TCF20: variants seen among roughly 807,000 people sequenced by gnomAD.
TCF20 encodes the protein SPRE-binding protein.
TCF20 carries 3 observed loss-of-function variants against 148.6 expected under a neutral mutation model. The ratio of observed to expected loss-of-function variants is 0.02; its 90% CI spans 0.01 to 0.05. The LOEUF (loss-of-function observed/expected upper bound fraction) is 0.05. TCF20 is among the 10% of genes least tolerant of loss of function. The pLI, the probability that TCF20 is intolerant of heterozygous loss-of-function variation, is 1.00. For missense variants in TCF20, 2,350 were observed against 2,429.3 expected (o/e 0.97, Z 0.69); for synonymous variants, 1,049 against 909.5 (o/e 1.15, Z -2.76).
At chr22:42,283,499 C>A (rs915869891) in intron 1 of TCF20, among the ~76,000 whole-genome samples, 9 of 152,166 alleles carry the variant, frequency 5.9e-5, no homozygotes, top group Non-Finnish European at 1.2e-4. Context: ...CCGCGCTCCC[C>A]GAGCAGCCCC....
chr22:42,342,904 T>C (rs1216919469), intron 1 of TCF20, among the ~76,000 whole-genome samples: 1 of 152,132 alleles, frequency 6.6e-6, no homozygotes, highest in African/African-American at 2.4e-5. Flanking sequence ...GGGCCTTGTT[T>C]AAAACCTTTC....
chr22:42,336,294 C>T, intron 1 of TCF20, among the ~76,000 whole-genome samples: 1 of 152,068 alleles, frequency 6.6e-6, no homozygotes, highest in East Asian at 1.9e-4. Flanking sequence ...GGAAAACCCA[C>T]CCCAGACAGC....
At chr22:42,311,808 C>T (rs1002821990) in intron 1 of TCF20, among the ~76,000 whole-genome samples, 5 of 152,198 alleles carry the variant, frequency 3.3e-5, no homozygotes, top group Admixed American at 2.0e-4. Context: ...CTGATTTCCC[C>T]GTCTCTTCCA....
intron 1 of TCF20, among the ~76,000 whole-genome samples, chr22:42,241,320 C>T (rs1924380812): frequency 6.6e-6 from 1 of 152,142 alleles, no homozygotes; most frequent in Non-Finnish European, 1.5e-5. Flanking sequence ...CCATGAGAGG[C>T]AGTTATAGAT....
chr22:42,258,978 A>G (rs967402297), intron 1 of TCF20, among the ~76,000 whole-genome samples: 1 of 152,196 alleles, frequency 6.6e-6, no homozygotes, highest in African/African-American at 2.4e-5. Context: ...TACTGTCTTC[A>G]CTTCACCTTT....
chr22:42,179,490 CAAAAAAAAAAA>C (rs57857271), intron 3 of TCF20, 108 bp downstream of exon 3: 18 of 373,236 alleles, frequency 4.8e-5, no homozygotes, highest in Non-Finnish European at 7.1e-5. Context: ...TATGAAGTGA[CAAAAAAAAAAA>C]AAAAAAAAAA....
chr22:42,195,335 G>A (rs913046341), intron 2 of TCF20, among the ~76,000 whole-genome samples: 3 of 151,580 alleles, frequency 2.0e-5, no homozygotes, highest in African/African-American at 7.3e-5. Flanking sequence ...AAGAAATTAA[G>A]AATGCTGCTG....
Position 42,201,250 on chromosome 22 carries a change from A to G in TCF20, c.5655+8401T>C, listed in dbSNP as rs937771132. ...GCTTCCAGAACTGTGAGCCAATTCA[A>G]CCTCTTTTCTTCATACATCACCCAG... On this transcript the variant is annotated intron_variant, in intron 2 of 5. Transcript: ENST00000677622. Among the ~76,000 whole-genome samples, 82 of 152,126 alleles carry G rather than the reference A, an allele frequency of 5.4e-4. 1 individual carries two copies. Among genetic ancestry groups the G allele is most frequent in the Non-Finnish European group, 4.4e-4 (30 of 68,026 alleles).
At chr22:42,276,965 C>T (rs1926793543) in intron 1 of TCF20, 1 of 152,222 alleles carries the variant, frequency 6.6e-6, no homozygotes, top group South Asian at 2.1e-4. Context: ...CTTTGCTCCC[C>T]CTGGCTCAGA....
upstream of TCF20, among the ~76,000 whole-genome samples, chr22:42,287,440 G>A (rs969056329): frequency 1.3e-5 from 2 of 152,222 alleles, no homozygotes; most frequent in African/African-American, 4.8e-5. Context: ...ACTCCAGGCT[G>A]TCCAGTTCTA....
intron 1 of TCF20, among the ~76,000 whole-genome samples, chr22:42,265,501 C>T (rs1329039959): frequency 6.6e-6 from 1 of 152,172 alleles, no homozygotes; most frequent in East Asian, 1.9e-4. Context: ...CCAGGTCTCA[C>T]TATGTTGCCC....
At chr22:42,168,541 G>A in intron 5 of TCF20, 68 bp downstream of exon 5, 2 of 1,528,688 alleles carry the variant, frequency 1.3e-6, no homozygotes, top group Admixed American at 2.0e-5. Flanking sequence ...GAGCGAGCAG[G>A]AGGGCAGAGG....
chr22:42,219,355 C>CA (rs528664836), intron 1 of TCF20, among the ~76,000 whole-genome samples: 1,498 of 43,478 alleles, frequency 0.034, 243 homozygotes, highest in Non-Finnish European at 0.039. Context: ...AACCCTGTCT[C>CA]AAAAAAAAAA....
At chr22:42,245,782 AT>A (rs1478304387) in intron 1 of TCF20, among the ~76,000 whole-genome samples, 1 of 151,894 alleles carries the variant, frequency 6.6e-6, no homozygotes, top group Non-Finnish European at 1.5e-5. Context: ...TTTAAATTTT[AT>A]TTATGTATTT....
At chr22:42,316,040 G>A (rs187451993) in intron 1 of TCF20, among the ~76,000 whole-genome samples, 4 of 151,008 alleles carry the variant, frequency 2.6e-5, no homozygotes, top group East Asian at 3.9e-4. Context: ...CCCAGGAGGC[G>A]GAGGTTGCAG....
chr22:42,305,966 C>G (rs993302382), intron 1 of TCF20, among the ~76,000 whole-genome samples: 6 of 152,228 alleles, frequency 3.9e-5, no homozygotes, highest in Non-Finnish European at 8.8e-5. Context: ...CATGGTCCAG[C>G]AAAGGCTGGC....
At chr22:42,187,081 A>ACTT (rs1321129907) in intron 2 of TCF20, among the ~76,000 whole-genome samples, 1 of 152,164 alleles carries the variant, frequency 6.6e-6, no homozygotes, top group Admixed American at 6.5e-5. Flanking sequence ...TCCTAGCCAT[A>ACTT]CTTCTCCAAA....
rs1462773080 is a variant in TCF20 at position 42,314,079 on chromosome 22, C to T, written c.-37+29400G>A. Among the ~76,000 whole-genome samples the T allele has an allele frequency of 3.3e-5, 5 of 152,234 alleles. 1 individual carries two copies. Among genetic ancestry groups the T allele is most frequent in the Admixed American group, 3.3e-4 (5 of 15,294 alleles). ...CTTTGTGCCTACATAGCGCCTGCAA[C>T]AAGGCAGATACAGGCTCAGCAGGGA... On this transcript the variant is annotated intron_variant, in intron 1 of 1. Transcript: ENST00000515426.
At chr22:42,225,570 C>T (rs984601665) in intron 1 of TCF20, among the ~76,000 whole-genome samples, 3 of 148,118 alleles carry the variant, frequency 2.0e-5, no homozygotes, top group Admixed American at 6.8e-5. Context: ...GCCGAGATTG[C>T]GCCACTGCAG....
Sources: allele counts gnomAD v4.1 joint callset (sites outside exome capture counted in the v4.1 genomes callset), GRCh38; gene constraint gnomAD v4.1.1; transcripts MANE v1.5; gene names NCBI Gene and HGNC (gene_info 2026-07-23, HGNC 2026-07-21).